The following CHI3L2 variants were observed in gnomAD, a reference collection of about 807,000 sequenced individuals.
CHI3L2 encodes chitinase 3 like 2.
CHI3L2 carries 47 observed loss-of-function variants against 47.3 expected under a neutral mutation model. That is an observed-to-expected ratio of 0.99 (90% CI 0.79 to 1.27). The LOEUF is 1.27. CHI3L2 is among the 50% of genes most tolerant of loss of function. The pLI, the probability that CHI3L2 is intolerant of heterozygous loss-of-function variation, is 0.00. For missense variants in CHI3L2, 497 were observed against 462.1 expected, an observed-to-expected ratio of 1.08 and a Z score of -0.69; for synonymous variants, 198 against 169.9, an observed-to-expected ratio of 1.17 and a Z score of -1.28.
At chr1:111,239,080 T>A (rs924809489) in intron 8 of CHI3L2, 148 bp downstream of exon 8, 6 of 758,020 alleles carry the variant, frequency 7.9e-6, no homozygotes, top group African/African-American at 1.8e-5. Context: ...CTCCTAACTC[T>A]GGGTTGGGAG....
At chr1:111,242,165 T>A in intron 9 of CHI3L2, 62 bp from the exon 10 acceptor site, 1 of 1,606,696 alleles carries the variant, frequency 6.2e-7, no homozygotes. Flanking sequence ...GAACCTGATA[T>A]GGTCCTGGGC....
intron 4 of CHI3L2, 42 bp downstream of exon 4, chr1:111,231,336 T>A: frequency 7.1e-7 from 1 of 1,411,894 alleles, no homozygotes; most frequent in Non-Finnish European, 1.0e-6. Flanking sequence ...CCCCATGTAA[T>A]TTTTGATCAT....
intron 8 of CHI3L2, 38 bp downstream of exon 8, chr1:111,238,970 T>G: frequency 6.5e-7 from 1 of 1,526,982 alleles, no homozygotes; most frequent in Non-Finnish European, 8.8e-7. Context: ...CTCCCTGCCA[T>G]GTCTGGGTAG....
intron 4 of CHI3L2, 27 bp from the exon 5 acceptor site, chr1:111,234,880 A>G: frequency 6.2e-7 from 1 of 1,610,782 alleles, no homozygotes; most frequent in Non-Finnish European, 8.5e-7. Context: ...TTCTTTCCAA[A>G]AAGACACTCG....
Position 111,227,777 on chromosome 1 carries a change from T to C in CHI3L2, c.40+8T>C. 1 of 1,613,970 alleles carries C rather than the reference T, an allele frequency of 6.2e-7. No individual in the cohort carries two copies. The highest frequency in any genetic ancestry group is 8.5e-7 in the Non-Finnish European group (1 of 1,179,836). On this transcript the variant is annotated splice_region_variant and intron_variant, in intron 1 of 10. Coordinates refer to ENST00000369748, the MANE Select transcript of CHI3L2 (RefSeq NM_004000.3). Reference sequence around the variant, plus strand: ...AGAAGTCTCTCTGGGCAGGTGAGCATGGGGTTGATAATTCAGCAGGAAATT... The same window carrying C: ...AGAAGTCTCTCTGGGCAGGTGAGCACGGGGTTGATAATTCAGCAGGAAATT...
intron 7 of CHI3L2, among the ~76,000 whole-genome samples, chr1:111,237,486 C>G (rs1306900163): frequency 6.6e-6 from 1 of 152,162 alleles, no homozygotes; most frequent in African/African-American, 2.4e-5. Context: ...TCCAGGCCTT[C>G]ATATTCAAAG....
At chr1:111,233,285 G>A (rs2101548188) in intron 4 of CHI3L2, among the ~76,000 whole-genome samples, 1 of 152,204 alleles carries the variant, frequency 6.6e-6, no homozygotes, top group South Asian at 2.1e-4. Flanking sequence ...GCTTGTTTGG[G>A]GACCATGAAG....
intron 7 of CHI3L2, among the ~76,000 whole-genome samples, chr1:111,236,467 C>G (rs1228464115): frequency 2.6e-5 from 4 of 152,202 alleles, no homozygotes; most frequent in Non-Finnish European, 4.4e-5. Flanking sequence ...CACAGGAGAA[C>G]AGAACTTGTA....
At position 111,229,906 on chromosome 1, in the gene CHI3L2, GC is replaced by G. The variant is rs1250181276; in HGVS notation, c.70+27del. ...GGTAAGTAGTCAATAAGTCACTACC[GC>G]CTGGATCTCCTGGCTTGGGTGCTTT... On this transcript the variant is annotated intron_variant, in intron 2 of 10. Transcript: ENST00000369748. 3 of 1,613,282 alleles carry G rather than the reference GC, an allele frequency of 1.9e-6. No individual in the cohort carries two copies. The South Asian group carries it at 3.3e-5, about 18-fold the overall frequency.
chr1:111,229,924 G>A, intron 2 of CHI3L2, 43 bp downstream of exon 2: 1 of 1,611,034 alleles, frequency 6.2e-7, no homozygotes, highest in Non-Finnish European at 8.5e-7. Flanking sequence ...CTCCTGGCTT[G>A]GGTGCTTTCA....
At chr1:111,230,261 T>TA (rs398103177) in intron 2 of CHI3L2, among the ~76,000 whole-genome samples, 8 of 151,898 alleles carry the variant, frequency 5.3e-5, no homozygotes, top group East Asian at 1.9e-4. Flanking sequence ...TATTTTTTTT[T>TA]AAATTTTTTT....
At chr1:111,233,408 C>G (rs1434720692) in intron 4 of CHI3L2, among the ~76,000 whole-genome samples, 1 of 152,176 alleles carries the variant, frequency 6.6e-6, no homozygotes, top group East Asian at 1.9e-4. Flanking sequence ...GACTGGAACC[C>G]AGAGAGCAGG....
intron 6 of CHI3L2, 108 bp from the exon 7 acceptor site, chr1:111,235,916 G>C: frequency 6.5e-7 from 1 of 1,545,722 alleles, no homozygotes; most frequent in South Asian, 1.2e-5. Flanking sequence ...CTTCTTTACA[G>C]AGACTTTCAA....
intron 4 of CHI3L2, 30 bp from the exon 5 acceptor site, chr1:111,234,877 C>A (rs1331170919): frequency 6.2e-7 from 1 of 1,608,826 alleles, no homozygotes; most frequent in Non-Finnish European, 8.5e-7. Context: ...TTGTTCTTTC[C>A]AAAAAGACAC....
chr1:111,242,495 T>C (rs1460428862), intron 10 of CHI3L2, 129 bp downstream of exon 10: 3 of 1,029,842 alleles, frequency 2.9e-6, no homozygotes, highest in Non-Finnish European at 4.0e-6. Flanking sequence ...TTCTGCCATG[T>C]TTTCTTAGCA....
chr1:111,240,132 G>C (rs1161342694), intron 8 of CHI3L2, among the ~76,000 whole-genome samples: 2 of 151,300 alleles, frequency 1.3e-5, no homozygotes, highest in Non-Finnish European at 3.0e-5. Context: ...ATCAGGTAGA[G>C]AAAAAAAAAT....
In CHI3L2 at chr1:111,238,984, T is replaced by A. The variant is rs575989775; in HGVS notation, c.918+52T>A. On this transcript the variant is annotated intron_variant, in intron 8 of 10. Transcript: ENST00000369748. ...GCTCCCTGCCATGTCTGGGTAGATG[T>A]TCCATCTTCAATTTGACAGCAGAGT... The A allele has an allele frequency of 4.2e-5, 62 of 1,493,634 alleles. No individual in the cohort carries two copies. In the Middle Eastern group the frequency reaches 2.5e-3, roughly 60 times the overall value. The allele number at this position is 1,493,634 out of a possible 1,614,324, so 92.5% of individuals were successfully genotyped here.
rs370640027 is a variant in CHI3L2 at position 111,234,209 on chromosome 1, GA to G, written c.330-694del. On this transcript the variant is annotated intron_variant, in intron 4 of 10. Coordinates refer to ENST00000369748, the MANE Select transcript of CHI3L2 (RefSeq NM_004000.3). ...TCAATAAAAAAAAAAAAAAAAGAAAGAAAACCAAAGCTGGACAGTATTTAAA... is the reference window on the plus strand; with the variant it reads ...TCAATAAAAAAAAAAAAAAAAGAAAGAAACCAAAGCTGGACAGTATTTAAA... Among the ~76,000 whole-genome samples, 244 of 145,102 alleles carry G rather than the reference GA, an allele frequency of 1.7e-3. 1 individual carries two copies. Among genetic ancestry groups the G allele is most frequent in the African/African-American group, 5.7e-3 (229 of 39,978 alleles).
chr1:111,238,867 C>A lies in CHI3L2; in HGVS notation c.853C>A (p.Pro285Thr). Residue 285 changes from proline to threonine, a missense_variant, in exon 8 of 11, where the codon CCT becomes ACT. Physicochemically the swap from Pro to Thr is conservative, Grantham distance 38 (BLOSUM62 -1). Transcript: ENST00000369748. ...CTCTGCAGAAACCACCGTGGGGGCC[C>A]CTGCCTCTGGCCCTGGAGCTGCTGG... ...LASAETTVGA[P>T]ASGPGAAGPI... 1 of 1,613,538 alleles carries A rather than the reference C, an allele frequency of 6.2e-7. No individual in the cohort carries two copies. Among genetic ancestry groups the A allele is most frequent in the Admixed American group, 1.7e-5 (1 of 59,944 alleles).
Sources: gnomAD v4.1 joint callset for allele counts (sites outside exome capture counted in the v4.1 genomes callset) on GRCh38, gnomAD v4.1.1 for gene constraint, MANE v1.5 for transcripts, NCBI Gene and HGNC (gene_info 2026-07-23, HGNC 2026-07-21) for gene names.